HYKK: variants seen among roughly 807,000 people sequenced by gnomAD.
The protein encoded by HYKK is 5-hydroxy-L-lysine kinase.
A neutral mutation model predicts 29.7 loss-of-function variants in HYKK; 19 were observed. The observed-to-expected ratio is 0.64, with a 90% CI of 0.45 to 0.94. HYKK has a LOEUF of 0.94. Ranked by LOEUF, HYKK falls within the 40% of genes least tolerant of loss-of-function variation. HYKK has a pLI of 0.00. For synonymous variants in HYKK, 152 were observed against 158.1 expected (o/e 0.96, Z 0.29); for missense variants, 390 against 443.4 (o/e 0.88, Z 1.08).
chr15:78,533,873 G>C lies in HYKK; in HGVS notation c.*203G>C, dbSNP rs905723834. On this transcript the variant is annotated 3_prime_UTR_variant, in exon 5 of 5. Transcript: ENST00000388988. ...TTTAAAATTCACAAAAGTACCACAA[G>C]CAAGCATATTTTTCTGTGAGTCTTA... 10 of 569,682 alleles carry C rather than the reference G, an allele frequency of 1.8e-5. No individual in the cohort carries two copies. The highest frequency in any genetic ancestry group is 2.5e-5 in the Non-Finnish European group (8 of 323,416). 35.3% of individuals were successfully genotyped at this position (569,682 alleles called of 1,614,324 possible).
At chr15:78,515,663 A>G (rs765602763) in intron 3 of HYKK, among the ~76,000 whole-genome samples, 1 of 149,072 alleles carries the variant, frequency 6.7e-6, no homozygotes, top group African/African-American at 2.5e-5. Flanking sequence ...ATCTTGGCTC[A>G]CTGCAAGCTC....
At chr15:78,524,172 C>G (rs549204813) in intron 3 of HYKK, among the ~76,000 whole-genome samples, 1 of 152,372 alleles carries the variant, frequency 6.6e-6, no homozygotes, top group East Asian at 1.9e-4. Context: ...GGCTCCACCC[C>G]TGCAGCAGGT....
In HYKK at chr15:78,510,841, C is replaced by T. The variant is rs983111651; in HGVS notation, c.-5-2243C>T. ...AAGTTTTGACAAATGTAAGCCATGT[C>T]GCCAAAGCCTAATCAAGATGTAGAA... On this transcript the variant is annotated intron_variant, in intron 1 of 4. Transcript: ENST00000388988. Among the ~76,000 whole-genome samples the T allele has an allele frequency of 2.0e-5, 3 of 152,108 alleles. No homozygotes were observed. The South Asian group carries it at 6.2e-4, about 32-fold the overall frequency.
At chr15:78,526,897 T>C (rs2052259967) in intron 3 of HYKK, among the ~76,000 whole-genome samples, 1 of 152,188 alleles carries the variant, frequency 6.6e-6, no homozygotes, top group Non-Finnish European at 1.5e-5. Flanking sequence ...ACAGACTCCC[T>C]GGCCAGTCTA....
Position 78,533,557 on chromosome 15 carries a change from A to T in HYKK, c.1009A>T (p.Thr337Ser). ...YPENKDYLMV[T>S]AKTGWKHLQQ... ...AGAGAACAAAGACTATCTCATGGTT[A>T]CTGCAAAAACCGGGTGGAAACACTT... Residue 337 changes from threonine (T) to serine (S), a missense_variant, in exon 5 of 5, where the codon ACT (threonine) becomes TCT (serine). Transcript: ENST00000388988. 1.2e-6 allele frequency: 2 copies of T among 1,614,166 alleles called. No homozygotes were observed. The highest frequency in any genetic ancestry group is 1.7e-6 in the Non-Finnish European group (2 of 1,180,002).
At chr15:78,525,312 CACCCAG>C (rs2141361448) in intron 3 of HYKK, among the ~76,000 whole-genome samples, 1 of 146,408 alleles carries the variant, frequency 6.8e-6, no homozygotes, top group East Asian at 2.1e-4. Flanking sequence ...CCCGCCACCA[CACCCAG>C]CTGATTTTTT....
At position 78,536,032 on chromosome 15, in the gene HYKK, C is replaced by T. The variant is rs2052359287; in HGVS notation, c.*2362C>T. 6.6e-6 allele frequency: 1 copy of T among 152,102 alleles called. No individual in the cohort carries two copies. The highest frequency in any genetic ancestry group is 1.5e-5 in the Non-Finnish European group (1 of 68,026). 9.4% of individuals were successfully genotyped at this position (152,102 alleles called of 1,614,324 possible). A position where few individuals can be genotyped will look rare whatever the true frequency, so the allele number is the denominator to read the frequency against. The stretch of plus-strand genomic sequence containing the variant: ...ATACCCAGCCTGTGTTGTTTTTTAA[C>T]AATATATAATAAAAGCCAACATTTA... On this transcript the variant is annotated 3_prime_UTR_variant, in exon 5 of 5. Transcript: ENST00000388988.
chr15:78,511,942 C>T (rs868250074), intron 1 of HYKK, among the ~76,000 whole-genome samples: 1 of 152,192 alleles, frequency 6.6e-6, no homozygotes, highest in Non-Finnish European at 1.5e-5. Context: ...TTCTCTCCCT[C>T]TCAGCTTCTG....
chr15:78,529,433 C>T (rs533072659), intron 4 of HYKK, among the ~76,000 whole-genome samples: 1 of 152,300 alleles, frequency 6.6e-6, no homozygotes, highest in East Asian at 1.9e-4. Flanking sequence ...ATTGCTAGGT[C>T]ATAGGACATG....
At chr15:78,529,395 A>G (rs906059212) in intron 4 of HYKK, among the ~76,000 whole-genome samples, 3 of 152,204 alleles carry the variant, frequency 2.0e-5, no homozygotes, top group African/African-American at 7.2e-5. Flanking sequence ...CATGTTCATT[A>G]GTCTTTGAGT....
intron 3 of HYKK, among the ~76,000 whole-genome samples, chr15:78,515,689 C>T (rs1211203902): frequency 6.6e-6 from 1 of 151,700 alleles, no homozygotes; most frequent in African/African-American, 2.4e-5. Flanking sequence ...CCCAGATTCA[C>T]GCCATTCTTC....
chr15:78,520,856 C>T (rs1438543805), intron 3 of HYKK, among the ~76,000 whole-genome samples: 1 of 151,294 alleles, frequency 6.6e-6, no homozygotes, highest in African/African-American at 2.4e-5. Flanking sequence ...GGGCAGCTGG[C>T]CGGGCGGGGG....
intron 1 of HYKK, among the ~76,000 whole-genome samples, chr15:78,510,235 T>C (rs1293342923): frequency 6.6e-6 from 1 of 151,812 alleles, no homozygotes; most frequent in African/African-American, 2.4e-5. Context: ...CAGGTTGGAG[T>C]GAAGTGACGC....
chr15:78,513,569 CT>C, intron 2 of HYKK, 144 bp downstream of exon 2: 1 of 641,138 alleles, frequency 1.6e-6, no homozygotes, highest in Non-Finnish European at 2.7e-6. Flanking sequence ...ATAGTACACC[CT>C]TAGAGGTGGT....
intron 1 of HYKK, among the ~76,000 whole-genome samples, chr15:78,510,425 C>A (rs1189438469): frequency 6.6e-6 from 1 of 151,980 alleles, no homozygotes; most frequent in Non-Finnish European, 1.5e-5. Flanking sequence ...TCTCAAACTC[C>A]TGACCTCAGG....
At position 78,533,728 on chromosome 15, in the gene HYKK, A is replaced by C. The variant is rs964946485; in HGVS notation, c.*58A>C. On this transcript the variant is annotated 3_prime_UTR_variant, in exon 5 of 5. Coordinates refer to ENST00000388988, the MANE Select transcript of HYKK (RefSeq NM_001013619.4). ...AACTTGGGTAATTAAAATAGGACCC[A>C]GTCAAATTTTAGGAAGGATTTTCCT... is the stretch of plus-strand genomic sequence containing the variant. The C allele has an allele frequency of 3.4e-5, 43 of 1,273,036 alleles. No individual in the cohort carries two copies. Among genetic ancestry groups the C allele is most frequent in the Non-Finnish European group, 4.6e-5 (41 of 895,406 alleles). The allele number at this position is 1,273,036 out of a possible 1,614,324, so 78.9% of individuals were successfully genotyped here. A position where few individuals can be genotyped will look rare whatever the true frequency, so the allele number is the denominator to read the frequency against.
At chr15:78,531,367 A>G (rs183093801) in intron 4 of HYKK, among the ~76,000 whole-genome samples, 54 of 152,254 alleles carry the variant, frequency 3.5e-4, no homozygotes, top group Middle Eastern at 3.4e-3. Context: ...CCATTAGGTC[A>G]AGTTTGTTAA....
intron 3 of HYKK, among the ~76,000 whole-genome samples, chr15:78,519,166 T>G (rs1163418072): frequency 1.3e-5 from 2 of 152,216 alleles, no homozygotes; most frequent in East Asian, 3.8e-4. Context: ...AGGGGCATAC[T>G]TGGTGCTCAG....
intron 3 of HYKK, among the ~76,000 whole-genome samples, chr15:78,525,443 A>C (rs2052241795): frequency 6.6e-6 from 1 of 151,986 alleles, no homozygotes. Context: ...GGCGTGAGCC[A>C]CCATGCCCAG....
Sources: gnomAD v4.1 joint callset for allele counts (sites outside exome capture counted in the v4.1 genomes callset) on GRCh38, gnomAD v4.1.1 for gene constraint, MANE v1.5 for transcripts, NCBI Gene and HGNC (gene_info 2026-07-23, HGNC 2026-07-21) for gene names.